GHR: variants seen among roughly 807,000 people sequenced by gnomAD.
GHR encodes GH receptor.
A neutral mutation model predicts 67.1 loss-of-function variants in GHR; 35 were observed. That is an observed-to-expected ratio of 0.52 (90% confidence interval 0.40 to 0.69). The LOEUF is 0.69. Ranked by LOEUF, GHR falls within the 30% of genes least tolerant of loss-of-function variation. The probability of loss-of-function intolerance (pLI) is 0.00; values close to 1 mark genes in which losing one functional copy is unlikely to be tolerated. For missense variants in GHR, 792 were observed against 764.6 expected, an observed-to-expected ratio of 1.04 and a Z score of -0.42; for synonymous variants, 272 against 269.1, an observed-to-expected ratio of 1.01 and a Z score of -0.10.
At chr5:42,621,587 C>T (rs552100289) in intron 2 of GHR, among the ~76,000 whole-genome samples, 10 of 152,252 alleles carry the variant, frequency 6.6e-5, no homozygotes, top group African/African-American at 9.6e-5. Flanking sequence ...TTTATCATTG[C>T]GCATTGATTC....
intron 1 of GHR, among the ~76,000 whole-genome samples, chr5:42,474,477 C>G (rs185155750): frequency 3.3e-5 from 5 of 152,204 alleles, no homozygotes; most frequent in African/African-American, 1.2e-4. Context: ...GATTGGACTT[C>G]TATAAGACAC....
intron 1 of GHR, among the ~76,000 whole-genome samples, chr5:42,445,197 T>C (rs2111973259): frequency 6.6e-6 from 1 of 152,334 alleles, no homozygotes; most frequent in Admixed American, 6.5e-5. Flanking sequence ...ATTCAGTAAT[T>C]AGTAATAGAT....
intron 1 of GHR, among the ~76,000 whole-genome samples, chr5:42,518,815 C>T (rs932626459): frequency 6.6e-6 from 1 of 152,172 alleles, no homozygotes; most frequent in Non-Finnish European, 1.5e-5. Context: ...GAGAAAGACT[C>T]ACTCTTTGGG....
chr5:42,569,670 A>C (rs1750164793), intron 2 of GHR, among the ~76,000 whole-genome samples: 1 of 152,064 alleles, frequency 6.6e-6, no homozygotes, highest in South Asian at 2.1e-4. Flanking sequence ...GATATATAAT[A>C]TTTACATACA....
At chr5:42,465,586 T>C (rs1744689643) in intron 1 of GHR, 1 of 1,232,514 alleles carries the variant, frequency 8.1e-7, no homozygotes, top group Non-Finnish European at 1.2e-6. Context: ...AATTATAAGA[T>C]ATTTGTTTCT....
chr5:42,551,700 A>G (rs527917997), intron 1 of GHR, among the ~76,000 whole-genome samples: 2 of 152,280 alleles, frequency 1.3e-5, no homozygotes, highest in East Asian at 3.9e-4. Context: ...TGCTGACTTT[A>G]TTTTAGACAG....
intron 1 of GHR, among the ~76,000 whole-genome samples, chr5:42,425,936 A>C (rs573874229): frequency 2.2e-4 from 34 of 152,362 alleles, no homozygotes; most frequent in African/African-American, 8.2e-4. Context: ...ATGCAATGAC[A>C]AAGTGACGAG....
At chr5:42,459,306 T>C (rs1488120596) in intron 1 of GHR, among the ~76,000 whole-genome samples, 1 of 152,164 alleles carries the variant, frequency 6.6e-6, no homozygotes, top group African/African-American at 2.4e-5. Flanking sequence ...ATGTGATACA[T>C]ATATACCATG....
chr5:42,569,576 C>T (rs778500583), intron 2 of GHR, among the ~76,000 whole-genome samples: 17 of 152,074 alleles, frequency 1.1e-4, no homozygotes, highest in Non-Finnish European at 2.1e-4. Context: ...CAGACAAAAG[C>T]GCTACCTGCA....
chr5:42,679,699 G>A (rs1014201970), intron 3 of GHR, among the ~76,000 whole-genome samples: 1 of 151,646 alleles, frequency 6.6e-6, no homozygotes. Flanking sequence ...TAATAACCAA[G>A]TGACTTTGGG....
chr5:42,662,251 G>A (rs9764371), intron 3 of GHR, among the ~76,000 whole-genome samples: 3,902 of 152,098 alleles, frequency 0.026, 105 homozygotes, highest in African/African-American at 0.072. Context: ...TGCACCAAGC[G>A]GACTTAATAG....
chr5:42,689,792 T>C (rs1032121471), intron 4 of GHR, among the ~76,000 whole-genome samples: 1 of 152,168 alleles, frequency 6.6e-6, no homozygotes, highest in Non-Finnish European at 1.5e-5. Context: ...GGTGGAAAGC[T>C]GTAGGTGTTT....
intron 1 of GHR, among the ~76,000 whole-genome samples, chr5:42,445,753 A>G (rs1191998223): frequency 1.3e-5 from 2 of 152,232 alleles, no homozygotes; most frequent in Non-Finnish European, 2.9e-5. Context: ...TGAATAAGGA[A>G]GTTCTGACTT....
intron 1 of GHR, among the ~76,000 whole-genome samples, chr5:42,455,067 T>G: frequency 6.6e-6 from 1 of 152,140 alleles, no homozygotes; most frequent in Admixed American, 6.5e-5. Context: ...ACAAGACTCT[T>G]CCTGCTGCTG....
At chr5:42,641,478 G>A (rs1162883849) in intron 3 of GHR, among the ~76,000 whole-genome samples, 3 of 152,102 alleles carry the variant, frequency 2.0e-5, no homozygotes, top group Non-Finnish European at 4.4e-5. Flanking sequence ...ATGGTTAGGT[G>A]TCCAGGCTAG....
At position 42,568,618 on chromosome 5, in the gene GHR, A is replaced by G. The variant is rs148867345; in HGVS notation, c.70+2674A>G. 8.2e-4 allele frequency among the ~76,000 whole-genome samples: 125 copies of G among 152,322 alleles called. 2 individuals are homozygous for G. In the East Asian group the frequency reaches 0.023, roughly 28 times the overall value. On this transcript the variant is annotated intron_variant, in intron 2 of 9. Transcript: ENST00000230882. ...TAGGTCGTATATCTCTACTATTTCA[A>G]TCAGTCTACCCTTGAATATACCCTT...
At chr5:42,626,509 C>T (rs1474317084) in intron 2 of GHR, among the ~76,000 whole-genome samples, 2 of 152,134 alleles carry the variant, frequency 1.3e-5, no homozygotes, top group African/African-American at 4.8e-5. Context: ...GTTCAGCTAT[C>T]CAGAATCTCT....
At chr5:42,562,703 T>A (rs1331417656) in intron 1 of GHR, among the ~76,000 whole-genome samples, 1 of 139,008 alleles carries the variant, frequency 7.2e-6, no homozygotes, top group African/African-American at 2.7e-5. Flanking sequence ...CAGGCTGGAG[T>A]GCAGTGGCGC....
At chr5:42,481,316 G>T (rs573778741) in intron 1 of GHR, among the ~76,000 whole-genome samples, 96 of 152,174 alleles carry the variant, frequency 6.3e-4, no homozygotes, top group South Asian at 3.1e-3. Context: ...TGGCTGCCCT[G>T]AACATTTTTT....
Sources: allele counts gnomAD v4.1 joint callset (sites outside exome capture counted in the v4.1 genomes callset), GRCh38; gene constraint gnomAD v4.1.1; transcripts MANE v1.5; gene names NCBI Gene and HGNC (gene_info 2026-07-23, HGNC 2026-07-21).